MOGAT1: variants seen among roughly 807,000 people sequenced by gnomAD.
MOGAT1 encodes the protein 2-acylglycerol O-acyltransferase 1.
A neutral mutation model predicts 31.4 loss-of-function variants in MOGAT1; 32 were observed. That is an observed-to-expected ratio of 1.02 (90% CI 0.77 to 1.37). The LOEUF (loss-of-function observed/expected upper bound fraction) is 1.37. Among genes scored for constraint, MOGAT1 ranks in the 40% most tolerant of loss-of-function variants. MOGAT1 has a pLI of 0.00. For missense variants in MOGAT1, 426 were observed against 402.0 expected (o/e 1.06, Z -0.51); for synonymous variants, 145 against 144.5 (o/e 1.00, Z -0.03).
chr2:222,708,583 T>A (rs369359266), intron 5 of MOGAT1, among the ~76,000 whole-genome samples: 1 of 152,228 alleles, frequency 6.6e-6, no homozygotes, highest in Non-Finnish European at 1.5e-5. Flanking sequence ...AAAACACAAA[T>A]GCATTCTCAT....
rs1480738414 is a variant in MOGAT1 at position 222,671,957 on chromosome 2, A to C, written c.94+78A>C. 11 of 1,192,068 alleles carry C rather than the reference A, an allele frequency of 9.2e-6. No individual in the cohort carries two copies. The African/African-American group carries it at 1.2e-4, about 13-fold the overall frequency. The allele number at this position is 1,192,068 out of a possible 1,614,324, so 73.8% of individuals were successfully genotyped here. A position where few individuals can be genotyped will look rare whatever the true frequency, so the allele number is the denominator to read the frequency against. Reference sequence around the variant, plus strand: ...GGACGGTCCGGATTCCAGGACCTGCATAGAACCTTCCAACCCTCGTTCCCC... The same window carrying C: ...GGACGGTCCGGATTCCAGGACCTGCCTAGAACCTTCCAACCCTCGTTCCCC... On this transcript the variant is annotated intron_variant, in intron 1 of 5. Transcript: ENST00000446656.
At chr2:222,673,211 C>G (rs1454551551) in intron 1 of MOGAT1, among the ~76,000 whole-genome samples, 2 of 150,822 alleles carry the variant, frequency 1.3e-5, no homozygotes, top group African/African-American at 2.4e-5. Flanking sequence ...CCGCGCCCGG[C>G]TCATCCCTGG....
At chr2:222,709,545 A>G (rs917451104) in intron 5 of MOGAT1, among the ~76,000 whole-genome samples, 191 bp from the exon 6 acceptor site, 7 of 152,176 alleles carry the variant, frequency 4.6e-5, no homozygotes, top group Admixed American at 4.6e-4. Context: ...GCTGAGGAGG[A>G]AAGTTCTTTA....
chr2:222,683,006 T>A, intron 1 of MOGAT1, among the ~76,000 whole-genome samples: 1 of 151,838 alleles, frequency 6.6e-6, no homozygotes, highest in East Asian at 1.9e-4. Flanking sequence ...GAGTTTGAGA[T>A]TAGCCTGAGC....
chr2:222,687,113 CAAAAA>C (rs1177781176), intron 1 of MOGAT1, among the ~76,000 whole-genome samples: 48 of 22,446 alleles, frequency 2.1e-3, no homozygotes, highest in Non-Finnish European at 1.8e-3. Flanking sequence ...GACTCCATCT[CAAAAA>C]AAAAAAAAAA....
intron 1 of MOGAT1, among the ~76,000 whole-genome samples, chr2:222,672,889 T>TTTTTTATTATTATTATTATTA (rs139797469): frequency 3.6e-5 from 5 of 139,224 alleles, no homozygotes; most frequent in African/African-American, 1.1e-4. Context: ...CTGGAATTTG[T>TTTTTTATTATTATTATTATTA]TTATTATTAT....
At chr2:222,672,891 TA>T (rs1692440857) in intron 1 of MOGAT1, among the ~76,000 whole-genome samples, 16 of 110,320 alleles carry the variant, frequency 1.5e-4, no homozygotes, top group Admixed American at 1.1e-3. Context: ...GGAATTTGTT[TA>T]TTATTATTAT....
chr2:222,678,231 T>C (rs1460799078), intron 1 of MOGAT1: 1 of 152,794 alleles, frequency 6.5e-6, no homozygotes, highest in Non-Finnish European at 1.5e-5. Flanking sequence ...CTTCCCCCAC[T>C]GACCACCAGG....
chr2:222,691,178 C>A (rs1299900815), intron 3 of MOGAT1, among the ~76,000 whole-genome samples: 1 of 151,664 alleles, frequency 6.6e-6, no homozygotes, highest in East Asian at 1.9e-4. Flanking sequence ...TCCCTGGTTT[C>A]TTTTTATTTA....
At chr2:222,687,163 A>T (rs1367741866) in intron 1 of MOGAT1, among the ~76,000 whole-genome samples, 1 of 143,332 alleles carries the variant, frequency 7.0e-6, no homozygotes, top group Non-Finnish European at 1.5e-5. Flanking sequence ...AGAAAGAAAA[A>T]ATATATATAA....
At position 222,698,291 on chromosome 2, in the gene MOGAT1, G is replaced by A. The variant is rs1191534410; in HGVS notation, c.853+3003G>A. ...TTCAAAAAGTTTCTCAATCCCCCAA[G>A]TGTAAGGGTGACATGGAAACAGGGA... is the stretch of plus-strand genomic sequence containing the variant. On this transcript the variant is annotated intron_variant, in intron 5 of 5. Coordinates refer to ENST00000446656, the MANE Select transcript of MOGAT1 (RefSeq NM_058165.3). Among the ~76,000 whole-genome samples, 3 of 152,322 alleles carry A rather than the reference G, an allele frequency of 2.0e-5. No individual in the cohort carries two copies. In the East Asian group the frequency reaches 5.8e-4, roughly 29 times the overall value.
At chr2:222,689,551 G>A (rs1692727727) in intron 3 of MOGAT1, 82 bp downstream of exon 3, 1 of 1,325,880 alleles carries the variant, frequency 7.5e-7, no homozygotes, top group South Asian at 1.2e-5. Flanking sequence ...GCCCATGTGT[G>A]TTTATGGTCT....
intron 1 of MOGAT1, among the ~76,000 whole-genome samples, chr2:222,687,809 G>A (rs907122364): frequency 6.6e-6 from 1 of 152,170 alleles, no homozygotes; most frequent in African/African-American, 2.4e-5. Context: ...GCTTGGTCAA[G>A]GTAGGAAGAT....
chr2:222,686,744 G>A (rs1228121352), intron 1 of MOGAT1, among the ~76,000 whole-genome samples: 1 of 152,066 alleles, frequency 6.6e-6, no homozygotes, highest in African/African-American at 2.4e-5. Context: ...AACCAACTCT[G>A]GAGAGAGCAG....
intron 1 of MOGAT1, among the ~76,000 whole-genome samples, chr2:222,681,545 C>T (rs982840006): frequency 2.6e-5 from 4 of 152,168 alleles, no homozygotes; most frequent in Non-Finnish European, 4.4e-5. Context: ...AACCCAGAAG[C>T]TGTCTGAACC....
At chr2:222,707,375 A>G (rs545207733) in intron 5 of MOGAT1, among the ~76,000 whole-genome samples, 97 of 115,650 alleles carry the variant, frequency 8.4e-4, no homozygotes, top group African/African-American at 3.2e-3. Context: ...AAGAAAGAGA[A>G]AGAAAGAAAA....
intron 5 of MOGAT1, among the ~76,000 whole-genome samples, chr2:222,708,666 T>C (rs1440059388): frequency 6.6e-6 from 1 of 152,190 alleles, no homozygotes; most frequent in Non-Finnish European, 1.5e-5. Flanking sequence ...AAGGAACTTT[T>C]ATGTTTCTCT....
intron 1 of MOGAT1, among the ~76,000 whole-genome samples, chr2:222,681,331 C>T (rs1374598702): frequency 2.0e-5 from 3 of 152,198 alleles, no homozygotes; most frequent in African/African-American, 4.8e-5. Context: ...TTCACACGAC[C>T]TCCTCCTTGG....
intron 1 of MOGAT1, among the ~76,000 whole-genome samples, chr2:222,682,744 CTAT>C (rs1692602981): frequency 6.6e-6 from 1 of 152,104 alleles, no homozygotes; most frequent in Non-Finnish European, 1.5e-5. Context: ...TATTGTTCGG[CTAT>C]AAAAAGGAAT....
Sources: allele counts gnomAD v4.1 joint callset (sites outside exome capture counted in the v4.1 genomes callset), GRCh38; gene constraint gnomAD v4.1.1; transcripts MANE v1.5; gene names NCBI Gene and HGNC (gene_info 2026-07-23, HGNC 2026-07-21).